Variants in CPXM2 observed in about 807,000 individuals in gnomAD.
The protein encoded by CPXM2 is carboxypeptidase X, M14 family member 2, also known as inactive carboxypeptidase-like protein X2.
In CPXM2, 66 loss-of-function variants were observed where a neutral mutation model predicts 86.1. That is an observed-to-expected ratio of 0.77 (90% CI 0.63 to 0.94). CPXM2 has a LOEUF of 0.94. CPXM2 is among the 40% of genes least tolerant of loss of function. CPXM2 has a pLI of 0.00. For missense variants in CPXM2, 948 were observed against 1,026.3 expected (o/e 0.92, Z 1.04); for synonymous variants, 388 against 400.2 (o/e 0.97, Z 0.36).
In CPXM2 at chr10:123,783,436, C is replaced by A. The variant is rs144755373; in HGVS notation, c.890-3181G>T. Among the ~76,000 whole-genome samples the A allele has an allele frequency of 1.2e-4, 19 of 152,312 alleles. No individual in the cohort carries two copies. In the East Asian group the frequency reaches 3.5e-3, roughly 28 times the overall value. On this transcript the variant is annotated intron_variant, in intron 6 of 13. Transcript: ENST00000241305. ...AGCATGTGACTCAGGAACACACTTC[C>A]TTCCTTCAGCTAGGCACTGGCTCAG...
intron 2 of CPXM2, among the ~76,000 whole-genome samples, chr10:123,919,455 TCAGA>T (rs1216281904): frequency 6.6e-6 from 1 of 151,582 alleles, no homozygotes; most frequent in East Asian, 1.9e-4. Flanking sequence ...TTTGGCATTA[TCAGA>T]CAAAGAATTT....
chr10:123,801,052 G>A lies in CPXM2; in HGVS notation c.654-1853C>T, dbSNP rs573041534. Among the ~76,000 whole-genome samples the A allele has an allele frequency of 9.8e-5, 15 of 152,348 alleles. No individual in the cohort carries two copies. The South Asian group carries it at 3.1e-3, about 32-fold the overall frequency. Reference sequence around the variant, plus strand: ...CACCCAGGGAGACCAAAATCCCAGTGTTAGCCTGGGTGTCCCACCTTCCCT... The same window carrying A: ...CACCCAGGGAGACCAAAATCCCAGTATTAGCCTGGGTGTCCCACCTTCCCT... On this transcript the variant is annotated intron_variant, in intron 4 of 13. Coordinates refer to ENST00000241305, the MANE Select transcript of CPXM2 (RefSeq NM_198148.3).
At chr10:123,844,135 G>C (rs1419412474) in intron 3 of CPXM2, among the ~76,000 whole-genome samples, 1 of 152,138 alleles carries the variant, frequency 6.6e-6, no homozygotes, top group Non-Finnish European at 1.5e-5. Context: ...GGAGAATTCA[G>C]TGAAAGAGGA....
intron 7 of CPXM2, among the ~76,000 whole-genome samples, chr10:123,772,833 C>G (rs927230263): frequency 1.3e-5 from 2 of 151,372 alleles, no homozygotes; most frequent in Non-Finnish European, 2.9e-5. Flanking sequence ...TTGTGGTTAT[C>G]ACCTCCCTGG....
intron 6 of CPXM2, among the ~76,000 whole-genome samples, chr10:123,794,842 C>T (rs1012372387): frequency 1.3e-5 from 2 of 151,928 alleles, no homozygotes; most frequent in African/African-American, 4.8e-5. Flanking sequence ...GCGATCTCGG[C>T]TCACTGCGAC....
rs1945138817 is a variant in CPXM2, at chr10:123,884,016, TA to T, written c.305-3708del. ...CATGTTCTATTCTGGTCTACAGTGA[TA>T]AATATAATTCTTGGTTAATAGAGAA... On this transcript the variant is annotated intron_variant, in intron 1 of 13. Transcript: ENST00000241305. Among the ~76,000 whole-genome samples the T allele has an allele frequency of 4.6e-5, 7 of 152,266 alleles. No homozygotes were observed. In the South Asian group the frequency reaches 1.5e-3, roughly 32 times the overall value.
At position 123,768,655 on chromosome 10, in the gene CPXM2, C is replaced by G. The variant is rs1393674384; in HGVS notation, c.1170G>C (p.Leu390=). The G allele has an allele frequency of 6.2e-7, 1 of 1,613,140 alleles. No individual in the cohort carries two copies. Among genetic ancestry groups the G allele is most frequent in the Non-Finnish European group, 8.5e-7 (1 of 1,179,688 alleles). The change falls in exon 9 of 14, where the codon CTG becomes CTC. Residue 390 remains leucine, a synonymous_variant. Coordinates refer to ENST00000241305, the MANE Select transcript of CPXM2 (RefSeq NM_198148.3). ...GNEVLGRELL[L]LLVQFVCQEY... The stretch of plus-strand genomic sequence containing the variant: ...CCTGACACACGAACTGCACCAGCAG[C>G]AGCAGCAGCTCCCGGCCCAGCACCT...
chr10:123,793,749 TTTA>T (rs1847262161), intron 6 of CPXM2, among the ~76,000 whole-genome samples: 2 of 152,136 alleles, frequency 1.3e-5, no homozygotes, highest in Admixed American at 1.3e-4. Context: ...CTCCTATCTT[TTTA>T]AGAGTCCAGG....
At chr10:123,845,230 C>G (rs554830421) in intron 3 of CPXM2, among the ~76,000 whole-genome samples, 1 of 151,948 alleles carries the variant, frequency 6.6e-6, no homozygotes, top group Non-Finnish European at 1.5e-5. Flanking sequence ...AAACAGTAAC[C>G]TCTGGGGGCA....
Position 123,902,573 on chromosome 10 carries a change from G to A in CPXM2, n.175-22264C>T, listed in dbSNP as rs1362693650. ...CCAAGAGCAAGATACTGGCAGATTC[G>A]GAGTCTGGTGAGGGCCCATTTCACA... On this transcript the variant is annotated intron_variant and non_coding_transcript_variant, in intron 2 of 19. Transcript: ENST00000368854. Among the ~76,000 whole-genome samples the A allele has an allele frequency of 2.6e-5, 4 of 152,228 alleles. 1 individual carries two copies. The highest frequency in any genetic ancestry group is 4.2e-4 in the South Asian group (2 of 4,806).
intron 2 of CPXM2, among the ~76,000 whole-genome samples, chr10:123,908,895 C>A (rs1945466192): frequency 6.6e-6 from 1 of 152,262 alleles, no homozygotes; most frequent in South Asian, 2.1e-4. Flanking sequence ...GTACACTTTA[C>A]ATCTAATTCA....
chr10:123,894,755 A>G (rs950677128), upstream of CPXM2, among the ~76,000 whole-genome samples: 1 of 152,136 alleles, frequency 6.6e-6, no homozygotes, highest in Non-Finnish European at 1.5e-5. Context: ...CATAGCAGTA[A>G]GTCCTGCTGC....
intron 2 of CPXM2, among the ~76,000 whole-genome samples, chr10:123,923,478 G>A (rs1356954849): frequency 6.6e-6 from 1 of 151,342 alleles, no homozygotes; most frequent in Non-Finnish European, 1.5e-5. Flanking sequence ...CTACTCGGGA[G>A]GCTGAGGCAG....
intron 7 of CPXM2, among the ~76,000 whole-genome samples, chr10:123,778,879 C>T (rs1846867934): frequency 6.6e-6 from 1 of 152,196 alleles, no homozygotes; most frequent in South Asian, 2.1e-4. Flanking sequence ...CTCTTGATTT[C>T]TGAAGAGCAA....
At chr10:123,817,195 T>A (rs12219520) in intron 4 of CPXM2, among the ~76,000 whole-genome samples, 23,263 of 152,130 alleles carry the variant, frequency 0.15, 2,543 homozygotes, top group East Asian at 0.35. Context: ...AAGGCTGCCA[T>A]TTTTTAGTGG....
intron 4 of CPXM2, among the ~76,000 whole-genome samples, chr10:123,816,914 A>G (rs1450265887): frequency 1.3e-5 from 2 of 152,242 alleles, no homozygotes; most frequent in East Asian, 3.8e-4. Context: ...TAGCAAACAC[A>G]CTGGACTTAT....
In CPXM2 at chr10:123,798,058, G is replaced by C. The variant is rs1287159291; in HGVS notation, c.807C>G (p.Arg269=). 4 of 1,612,064 alleles carry C rather than the reference G, an allele frequency of 2.5e-6. No homozygotes were observed. In the African/African-American group the frequency reaches 4.0e-5, roughly 16 times the overall value. ...AGGACTGAGGGTTTATGCGGATGTAGCGGGCCACCATGGGGACGGGTAGCT... is the reference window on the plus strand; with the variant it reads ...AGGACTGAGGGTTTATGCGGATGTACCGGGCCACCATGGGGACGGGTAGCT... The part of the protein sequence containing the change: ...LNELPVPMVA[R]YIRINPQSWF... Residue 269 remains arginine (R), a synonymous_variant, in exon 6 of 14, where the codon CGC becomes CGG. Transcript: ENST00000241305.
chr10:123,860,681 T>C (rs1231880298), intron 3 of CPXM2, among the ~76,000 whole-genome samples: 1 of 152,220 alleles, frequency 6.6e-6, no homozygotes, highest in African/African-American at 2.4e-5. Context: ...TGCTTGGATC[T>C]GACTGTCATT....
rs370645251 is a variant in CPXM2, at chr10:123,759,165, C to T, written c.1778-1813G>A. Among the ~76,000 whole-genome samples, 5 of 152,244 alleles carry T rather than the reference C, an allele frequency of 3.3e-5. No individual in the cohort carries two copies. The East Asian group carries it at 7.7e-4, about 24-fold the overall frequency. On this transcript the variant is annotated intron_variant, in intron 11 of 13. Coordinates refer to ENST00000241305, the MANE Select transcript of CPXM2 (RefSeq NM_198148.3). ...GAAAATCCCTCACATGGGCCCCGGT[C>T]TCATTGAAGGAGATTGGTCAAAATT...
Sources: gnomAD v4.1 joint callset for allele counts (sites outside exome capture counted in the v4.1 genomes callset) on GRCh38, gnomAD v4.1.1 for gene constraint, MANE v1.5 for transcripts, NCBI Gene and HGNC (gene_info 2026-07-23, HGNC 2026-07-21) for gene names.